Variants in PIK3R5 observed in about 807,000 individuals in gnomAD.
The protein encoded by PIK3R5 is phosphoinositide 3-kinase regulatory subunit 5.
In PIK3R5, 32 loss-of-function variants were observed where a neutral mutation model predicts 94.9. The observed-to-expected ratio is 0.34, with a 90% confidence interval of 0.25 to 0.45. The LOEUF is 0.45. Ranked by LOEUF, PIK3R5 falls within the 20% of genes least tolerant of loss-of-function variation. The probability of loss-of-function intolerance (pLI) is 1.00; values close to 1 mark genes in which losing one functional copy is unlikely to be tolerated. For missense variants in PIK3R5, 853 were observed against 1,144.6 expected (o/e 0.75, Z 3.68); for synonymous variants, 443 against 479.4 (o/e 0.92, Z 0.99).
intron 1 of PIK3R5, among the ~76,000 whole-genome samples, chr17:8,940,452 G>A (rs979872377): frequency 1.3e-5 from 2 of 152,198 alleles, no homozygotes; most frequent in Admixed American, 6.5e-5. Flanking sequence ...CTCACGAAGG[G>A]ACGCCAGCAA....
At position 8,930,156 on chromosome 17, in the gene PIK3R5, C is replaced by T. The variant is rs1057123840; in HGVS notation, c.-13-18649G>A. Among the ~76,000 whole-genome samples, 19 of 151,858 alleles carry T rather than the reference C, an allele frequency of 1.3e-4. 2 individuals carry two copies. Among genetic ancestry groups the T allele is most frequent in the South Asian group, 2.1e-4 (1 of 4,802 alleles). On this transcript the variant is annotated intron_variant, in intron 1 of 18. Transcript: ENST00000447110. Reference sequence around the variant, plus strand: ...AATACACATTTTTTTCAAGTACTTACGGAACATAAACTAAGATAGATCATA... The same window carrying T: ...AATACACATTTTTTTCAAGTACTTATGGAACATAAACTAAGATAGATCATA...
Position 8,881,675 on chromosome 17 carries a change from T to C in PIK3R5, c.2337A>G (p.Glu779=), listed in dbSNP as rs1178430508. ...SMEALTLNLT[E]VVKRQNSKSK... is the part of the protein sequence containing the mutation. The stretch of plus-strand genomic sequence containing the variant: ...ATTTGGAGTTCTGCCTTTTCACCAC[T>C]TCTGTCAGGTTTAGCGTCAGGGCCT... The change falls in exon 17 of 19, where the codon GAA becomes GAG. Residue 779 remains glutamate (E), a synonymous_variant. Coordinates refer to ENST00000447110, the MANE Select transcript of PIK3R5 (RefSeq NM_001142633.3). This position sits in a 1 kb window ranked among gnomAD's most constrained non-coding sequence, Gnocchi z 4.8. 1.2e-6 allele frequency: 2 copies of C among 1,613,852 alleles called. No individual in the cohort carries two copies. Among genetic ancestry groups the C allele is most frequent in the Admixed American group, 1.7e-5 (1 of 59,980 alleles).
intron 1 of PIK3R5, among the ~76,000 whole-genome samples, chr17:8,922,057 C>G (rs2090759855): frequency 6.6e-6 from 1 of 151,922 alleles, no homozygotes; most frequent in Non-Finnish European, 1.5e-5. Flanking sequence ...ATAAAGAACT[C>G]CTGTATAACT....
chr17:8,883,294 G>T (rs2089725902), intron 15 of PIK3R5, among the ~76,000 whole-genome samples: 1 of 152,230 alleles, frequency 6.6e-6, no homozygotes, highest in South Asian at 2.1e-4. Flanking sequence ...CTTGAACCAG[G>T]GAGGCGGATG....
intron 1 of PIK3R5, among the ~76,000 whole-genome samples, chr17:8,921,850 T>C (rs1231266136): frequency 6.6e-6 from 1 of 152,152 alleles, no homozygotes; most frequent in Non-Finnish European, 1.5e-5. Context: ...GGGGGAAGCT[T>C]CATCACATTG....
At chr17:8,883,663 C>T (rs1219337461) in intron 15 of PIK3R5, among the ~76,000 whole-genome samples, 6 of 152,260 alleles carry the variant, frequency 3.9e-5, no homozygotes, top group Non-Finnish European at 7.3e-5. Flanking sequence ...GCCTTCACTA[C>T]TAACTCTCCT....
intron 1 of PIK3R5, among the ~76,000 whole-genome samples, chr17:8,931,088 A>G (rs1259980546): frequency 2.0e-5 from 3 of 152,216 alleles, no homozygotes; most frequent in Non-Finnish European, 4.4e-5. Context: ...TGAATCTACG[A>G]TTTATCTCAA....
intron 1 of PIK3R5, among the ~76,000 whole-genome samples, chr17:8,950,897 C>A (rs542381125): frequency 6.6e-6 from 1 of 152,320 alleles, no homozygotes; most frequent in South Asian, 2.1e-4. Context: ...AGTGGTTGAA[C>A]TAATTTACGC....
chr17:8,913,561 C>T (rs1210795686), intron 1 of PIK3R5, among the ~76,000 whole-genome samples: 1 of 152,054 alleles, frequency 6.6e-6, no homozygotes, highest in Non-Finnish European at 1.5e-5. Flanking sequence ...TATTTTAAAA[C>T]ATTAGCCAGG....
Position 8,925,421 on chromosome 17 carries a change from ATAG to A in PIK3R5, c.-13-13917_-13-13915del, listed in dbSNP as rs368716228. Among the ~76,000 whole-genome samples the A allele has an allele frequency of 1.3e-5, 2 of 150,804 alleles. No individual in the cohort carries two copies. Among genetic ancestry groups the A allele is most frequent in the African/African-American group, 2.4e-5 (1 of 40,968 alleles). On this transcript the variant is annotated intron_variant, in intron 1 of 18. Coordinates refer to ENST00000447110, the MANE Select transcript of PIK3R5 (RefSeq NM_001142633.3). The surrounding 1 kb of genome is among the most constrained non-coding windows in gnomAD (Gnocchi z 5.1). The stretch of plus-strand genomic sequence containing the variant: ...GGAGAGATAGTAGATGGATAGGTAG[ATAG>A]TAGATGGAGAGATAGATAGTAGATG...
intron 1 of PIK3R5, among the ~76,000 whole-genome samples, chr17:8,946,950 T>C (rs940966233): frequency 1.3e-5 from 2 of 152,214 alleles, no homozygotes; most frequent in Non-Finnish European, 2.9e-5. Flanking sequence ...GCTTTTGTAC[T>C]GTTCTCATTA....
chr17:8,938,018 C>G (rs748380920), intron 1 of PIK3R5, among the ~76,000 whole-genome samples: 1 of 152,148 alleles, frequency 6.6e-6, no homozygotes, highest in East Asian at 1.9e-4. Flanking sequence ...ACCATGTTGG[C>G]CAGGCTGGTC....
chr17:8,903,602 G>A (rs767848514), intron 5 of PIK3R5, among the ~76,000 whole-genome samples: 5 of 151,350 alleles, frequency 3.3e-5, no homozygotes, highest in Non-Finnish European at 5.9e-5. Flanking sequence ...ACCTGGTCTC[G>A]TTACAATATT....
chr17:8,894,233 A>G (rs561803743), intron 5 of PIK3R5, among the ~76,000 whole-genome samples: 37 of 152,298 alleles, frequency 2.4e-4, no homozygotes, highest in African/African-American at 7.9e-4. Context: ...TGGGAGGCGG[A>G]GCATCGCAGG....
At chr17:8,953,872 G>A (rs1288481701) in intron 1 of PIK3R5, among the ~76,000 whole-genome samples, 1 of 152,140 alleles carries the variant, frequency 6.6e-6, no homozygotes. Context: ...GTGTCCTAGG[G>A]CTGCCACAGT....
In PIK3R5 at chr17:8,881,740, C is replaced by A; in HGVS notation, c.2300-28G>T. 3 of 1,613,154 alleles carry A rather than the reference C, an allele frequency of 1.9e-6. No homozygotes were observed. Among genetic ancestry groups the A allele is most frequent in the Non-Finnish European group, 2.5e-6 (3 of 1,179,186 alleles). On this transcript the variant is annotated intron_variant, in intron 16 of 18. Coordinates refer to ENST00000447110, the MANE Select transcript of PIK3R5 (RefSeq NM_001142633.3). This position sits in a 1 kb window ranked among gnomAD's most constrained non-coding sequence, Gnocchi z 4.8. The stretch of plus-strand genomic sequence containing the variant: ...GAGGGGCAAGGACACTCAGGCCAGG[C>A]TCAGAGCACCTCCCTACTGCACACC...
At position 8,888,047 on chromosome 17, in the gene PIK3R5, T is replaced by A. The variant is rs566595932; in HGVS notation, c.1616+124A>T. Reference sequence around the variant, plus strand: ...ATAATAATAATAATAATAATAATAATAAAATAAAAATAAATAAGGGAACTT... The same window carrying A: ...ATAATAATAATAATAATAATAATAAAAAAATAAAAATAAATAAGGGAACTT... On this transcript the variant is annotated intron_variant, in intron 10 of 18. Transcript: ENST00000447110. The surrounding 1 kb of genome is among the most constrained non-coding windows in gnomAD (Gnocchi z 7.8). 8.5e-4 allele frequency: 260 copies of A among 304,480 alleles called. No individual in the cohort carries two copies. Among genetic ancestry groups the A allele is most frequent in the African/African-American group, 2.0e-3 (84 of 41,326 alleles). The allele number at this position is 304,480 out of a possible 1,614,324, so 18.9% of individuals were successfully genotyped here. A position where few individuals can be genotyped will look rare whatever the true frequency, so the allele number is the denominator to read the frequency against.
intron 1 of PIK3R5, among the ~76,000 whole-genome samples, chr17:8,932,863 A>G (rs1477370009): frequency 1.3e-5 from 2 of 152,182 alleles, no homozygotes; most frequent in Admixed American, 6.5e-5. Flanking sequence ...AATTTAATAA[A>G]AAATATGAAC....
At chr17:8,934,880 C>G (rs1412626505) in intron 1 of PIK3R5, among the ~76,000 whole-genome samples, 1 of 152,172 alleles carries the variant, frequency 6.6e-6, no homozygotes, top group African/African-American at 2.4e-5. Flanking sequence ...AGTCAAAACT[C>G]AAGCCCATAA....
Sources: gnomAD v4.1 joint callset for allele counts (sites outside exome capture counted in the v4.1 genomes callset) on GRCh38, gnomAD v4.1.1 for gene constraint, Gnocchi (gnomAD v3.1) non-coding constraint, MANE v1.5 for transcripts, NCBI Gene and HGNC (gene_info 2026-07-23, HGNC 2026-07-21) for gene names.